The following LRRC49 variants were observed in gnomAD, a reference collection of about 807,000 sequenced individuals.
LRRC49 encodes leucine-rich repeat-containing protein 49.
In LRRC49, 50 loss-of-function variants were observed where a neutral mutation model predicts 83.3. That is an observed-to-expected ratio of 0.60 (90% CI 0.48 to 0.76). LRRC49 has a LOEUF of 0.76. LRRC49 is among the 30% of genes least tolerant of loss of function. The pLI, the probability that LRRC49 is intolerant of heterozygous loss-of-function variation, is 0.00. For synonymous variants in LRRC49, 286 were observed against 283.3 expected (o/e 1.01, Z -0.10); for missense variants, 704 against 809.1 (o/e 0.87, Z 1.58).
At position 70,984,131 on chromosome 15, in the gene LRRC49, A is replaced by C; in HGVS notation, c.1043A>C (p.Gln348Pro). The C allele has an allele frequency of 1.3e-6, 2 of 1,593,246 alleles. No individual in the cohort carries two copies. The highest frequency in any genetic ancestry group is 2.8e-5 in the African/African-American group (2 of 72,592). The part of the protein sequence containing the change: ...KRLTINNVAR[Q>P]WDLQQQRVAN... ...TTAACAATTAACAACGTAGCTCGAC[A>C]GTGGGACTTGCAACAACAACGAGTA... The change falls in exon 11 of 16, where the codon CAG (glutamine) becomes CCG (proline). Residue 348 changes from glutamine (Q) to proline (P), a missense_variant. Physicochemically the swap from Gln to Pro is moderately conservative, Grantham distance 76 (BLOSUM62 -1). This residue lies in a region of LRRC49 where 168 missense variants were observed against 140.6 expected (regional missense o/e 1.20). Coordinates refer to ENST00000260382, the MANE Select transcript of LRRC49 (RefSeq NM_017691.5).
At chr15:70,865,767 T>C (rs1351593865) in intron 1 of LRRC49, among the ~76,000 whole-genome samples, 3 of 152,178 alleles carry the variant, frequency 2.0e-5, no homozygotes, top group African/African-American at 7.2e-5. Flanking sequence ...GAGTTTTCCC[T>C]GGCCATGGGA....
intron 7 of LRRC49, among the ~76,000 whole-genome samples, chr15:70,935,841 C>G (rs1477672079): frequency 1.3e-5 from 2 of 152,052 alleles, no homozygotes; most frequent in East Asian, 1.9e-4. Context: ...TGTATGTACT[C>G]CTGGGCCACC....
chr15:70,872,883 C>CTT lies in LRRC49; in HGVS notation c.-298-4_-298-3dup, dbSNP rs781035902. ...AAAATATCTTATAAACTTGACATAA[C>CTT]TTTTTTTTTTTTTTTTTTTTTTAGA... is the stretch of plus-strand genomic sequence containing the variant. On this transcript the variant is annotated intron_variant, in intron 1 of 16. Coordinates refer to the LRRC49 transcript ENST00000544974. 107 of 166,098 alleles carry CTT rather than the reference C, an allele frequency of 6.4e-4. 1 individual carries two copies. Among genetic ancestry groups the CTT allele is most frequent in the South Asian group, 1.5e-3 (12 of 8,256 alleles). 10.3% of individuals were successfully genotyped at this position (166,098 alleles called of 1,614,324 possible). A position where few individuals can be genotyped will look rare whatever the true frequency, so the allele number is the denominator to read the frequency against.
At position 71,046,777 on chromosome 15, in the gene LRRC49, G is replaced by A. The variant is rs554609526; in HGVS notation, c.1858-2632G>A. On this transcript the variant is annotated intron_variant, in intron 15 of 15. Coordinates refer to ENST00000260382, the MANE Select transcript of LRRC49 (RefSeq NM_017691.5). ...ACTTAGCCAAAAATTCTTTGCCAAG[G>A]CCAATATCAAGAAGAGTCTTCCAGA... is the stretch of plus-strand genomic sequence containing the variant. Among the ~76,000 whole-genome samples, 52 of 152,100 alleles carry A rather than the reference G, an allele frequency of 3.4e-4. 1 individual carries two copies. In the South Asian group the frequency reaches 0.01, roughly 30 times the overall value.
chr15:70,987,703 T>C (rs1197977686), intron 11 of LRRC49, among the ~76,000 whole-genome samples: 7 of 152,158 alleles, frequency 4.6e-5, no homozygotes, highest in Non-Finnish European at 8.8e-5. Flanking sequence ...TCTCTTGCTT[T>C]TCTAGTTCTT....
At chr15:70,949,917 G>C (rs1162035190) in intron 8 of LRRC49, among the ~76,000 whole-genome samples, 1 of 152,134 alleles carries the variant, frequency 6.6e-6, no homozygotes, top group African/African-American at 2.4e-5. Flanking sequence ...TACCAAGGTA[G>C]TGAGCACAGT....
At chr15:71,005,136 G>A (rs1338731334) in intron 11 of LRRC49, among the ~76,000 whole-genome samples, 2 of 152,020 alleles carry the variant, frequency 1.3e-5, no homozygotes, top group African/African-American at 4.8e-5. Context: ...TTGCGCATGT[G>A]CCCCTGAACT....
chr15:71,021,478 A>G lies in LRRC49; in HGVS notation c.1703+8565A>G, dbSNP rs375172210. Among the ~76,000 whole-genome samples the G allele has an allele frequency of 1.3e-4, 20 of 152,384 alleles. 1 individual carries two copies. The highest frequency in any genetic ancestry group is 4.8e-4 in the African/African-American group (20 of 41,600). On this transcript the variant is annotated intron_variant, in intron 14 of 15. Coordinates refer to ENST00000260382, the MANE Select transcript of LRRC49 (RefSeq NM_017691.5). Reference sequence around the variant, plus strand: ...GAAAGAAATGAAAATGGTAGATTTAAACATAAATAGTGGTATATCAGCATG... The same window carrying G: ...GAAAGAAATGAAAATGGTAGATTTAGACATAAATAGTGGTATATCAGCATG...
At chr15:70,855,664 G>A (rs935831891) in intron 1 of LRRC49, among the ~76,000 whole-genome samples, 2 of 152,186 alleles carry the variant, frequency 1.3e-5, no homozygotes, top group East Asian at 1.9e-4. Context: ...CTCTTCTTAA[G>A]GACACTAGAA....
intron 8 of LRRC49, among the ~76,000 whole-genome samples, chr15:70,957,762 C>T (rs191093489): frequency 6.6e-5 from 10 of 152,282 alleles, no homozygotes; most frequent in Middle Eastern, 3.4e-3. Flanking sequence ...TTAGTGAGCC[C>T]ATCCTATGGT....
chr15:70,975,111 A>G (rs1337522947), intron 9 of LRRC49, among the ~76,000 whole-genome samples: 5 of 152,090 alleles, frequency 3.3e-5, no homozygotes, highest in Admixed American at 6.5e-5. Flanking sequence ...GTCCCATCCC[A>G]TTTTTTTCTA....
intron 15 of LRRC49, among the ~76,000 whole-genome samples, chr15:71,043,663 A>C (rs993692654): frequency 3.3e-5 from 5 of 152,234 alleles, no homozygotes; most frequent in South Asian, 2.1e-4. Context: ...ATCATGAAGT[A>C]GAAATGCTTT....
At chr15:70,992,909 G>T (rs189521424) in intron 11 of LRRC49, among the ~76,000 whole-genome samples, 7 of 152,288 alleles carry the variant, frequency 4.6e-5, no homozygotes, top group African/African-American at 1.7e-4. Context: ...CTTCAAAGCT[G>T]TCAGACAGGG....
chr15:70,907,904 A>G (rs1182874784), intron 5 of LRRC49: 2 of 452,356 alleles, frequency 4.4e-6, no homozygotes, highest in African/African-American at 2.0e-5. Context: ...GGATTCTGCA[A>G]ATTCCTCACA....
At chr15:70,971,797 C>CTTTTTT (rs56230666) in intron 9 of LRRC49, among the ~76,000 whole-genome samples, 6 of 82,270 alleles carry the variant, frequency 7.3e-5, no homozygotes, top group African/African-American at 1.5e-4. Context: ...GTAACCACTC[C>CTTTTTT]TTTTTTTTTT....
chr15:70,956,083 C>T (rs1567069056), intron 8 of LRRC49, among the ~76,000 whole-genome samples: 1 of 152,000 alleles, frequency 6.6e-6, no homozygotes, highest in South Asian at 2.1e-4. Flanking sequence ...AGAGTAAAAG[C>T]CCTTTTTCTA....
chr15:70,921,921 T>C (rs956304982), intron 7 of LRRC49, among the ~76,000 whole-genome samples: 5 of 152,214 alleles, frequency 3.3e-5, no homozygotes, highest in African/African-American at 1.2e-4. Flanking sequence ...TTACCAATCT[T>C]TGTTTTTGAA....
At chr15:70,932,449 A>C (rs367977913) in intron 7 of LRRC49, among the ~76,000 whole-genome samples, 6 of 152,296 alleles carry the variant, frequency 3.9e-5, no homozygotes, top group African/African-American at 1.4e-4. Context: ...TACAGCTCTC[A>C]AAGTTAGAAT....
chr15:71,010,081 A>G, intron 13 of LRRC49, 89 bp downstream of exon 13: 1 of 738,470 alleles, frequency 1.4e-6, no homozygotes, highest in Non-Finnish European at 2.0e-6. Context: ...TTAAGTAACC[A>G]TGATAGAACA....
Sources: gnomAD v4.1 joint callset for allele counts (sites outside exome capture counted in the v4.1 genomes callset) on GRCh38, gnomAD v4.1.1 for gene constraint, gnomAD v4.1.1 regional missense constraint, MANE v1.5 for transcripts, NCBI Gene and HGNC (gene_info 2026-07-23, HGNC 2026-07-21) for gene names.